The following NAALADL2 variants were observed in gnomAD, a reference collection of about 807,000 sequenced individuals.
NAALADL2 encodes the protein N-acetylated alpha-linked acidic dipeptidase like 2.
Under a neutral mutation model 87.2 loss-of-function variants are expected in NAALADL2, and 76 were observed. The observed-to-expected ratio is 0.87, with a 90% CI of 0.72 to 1.05. The LOEUF (loss-of-function observed/expected upper bound fraction) is 1.05. Ranked by LOEUF, NAALADL2 falls within the 50% of genes least tolerant of loss-of-function variation. The probability of loss-of-function intolerance (pLI) is 0.00; values close to 1 mark genes in which losing one functional copy is unlikely to be tolerated. For missense variants in NAALADL2, 1,089 were observed against 945.8 expected, an observed-to-expected ratio of 1.15 and a Z score of -1.99; for synonymous variants, 354 against 331.0, an observed-to-expected ratio of 1.07 and a Z score of -0.75.
chr3:175,668,211 A>G (rs1243844643), intron 11 of NAALADL2, among the ~76,000 whole-genome samples: 1 of 152,170 alleles, frequency 6.6e-6, no homozygotes, highest in East Asian at 1.9e-4. Context: ...TGTTCTTTAC[A>G]ATGAACTTTT....
intron 5 of NAALADL2, among the ~76,000 whole-genome samples, chr3:175,344,240 T>C (rs1762898274): frequency 6.6e-6 from 1 of 152,112 alleles, no homozygotes; most frequent in Non-Finnish European, 1.5e-5. Context: ...CTTTCAACAG[T>C]ACTTCTTTGG....
intron 2 of NAALADL2, among the ~76,000 whole-genome samples, chr3:174,666,142 CACTT>C (rs901655605): frequency 6.6e-6 from 1 of 152,094 alleles, no homozygotes; most frequent in African/African-American, 2.4e-5. Context: ...ACATAATACA[CACTT>C]ACTTGTATCT....
chr3:175,516,954 A>T (rs2149407319), intron 9 of NAALADL2, among the ~76,000 whole-genome samples: 1 of 152,246 alleles, frequency 6.6e-6, no homozygotes, highest in Non-Finnish European at 1.5e-5. Context: ...AGATGATACA[A>T]TTGTGTAGCT....
Position 175,115,896 on chromosome 3 carries a change from T to C in NAALADL2, c.545+18605T>C, listed in dbSNP as rs573961809. Among the ~76,000 whole-genome samples the C allele has an allele frequency of 4.5e-4, 68 of 151,998 alleles. 1 individual carries two copies. In the Middle Eastern group the frequency reaches 0.031, roughly 68 times the overall value. ...AAAAAGCTTATCCACCACAATCAAG[T>C]TGGCTTCATCCCTGGGATGCAAGGC... On this transcript the variant is annotated intron_variant, in intron 2 of 13. Coordinates refer to ENST00000454872, the MANE Select transcript of NAALADL2 (RefSeq NM_207015.3).
At chr3:175,708,715 C>G (rs1395396249) in intron 11 of NAALADL2, among the ~76,000 whole-genome samples, 1 of 151,722 alleles carries the variant, frequency 6.6e-6, no homozygotes, top group Non-Finnish European at 1.5e-5. Context: ...TTTCCCTCCC[C>G]CCAAAGCCAT....
At chr3:175,768,436 A>G (rs1358534945) in intron 13 of NAALADL2, among the ~76,000 whole-genome samples, 1 of 152,224 alleles carries the variant, frequency 6.6e-6, no homozygotes, top group East Asian at 1.9e-4. Flanking sequence ...TCTGAAGTTC[A>G]GAAACATTAG....
At chr3:175,535,049 G>C (rs1289708148) in intron 9 of NAALADL2, among the ~76,000 whole-genome samples, 1 of 152,088 alleles carries the variant, frequency 6.6e-6, no homozygotes, top group African/African-American at 2.4e-5. Context: ...ACCAGTCACT[G>C]TGGTGCATTA....
At chr3:175,493,983 A>T (rs1728473053) in intron 9 of NAALADL2, among the ~76,000 whole-genome samples, 2 of 152,112 alleles carry the variant, frequency 1.3e-5, no homozygotes, top group Non-Finnish European at 2.9e-5. Context: ...CTTGTTTGTA[A>T]CATACAAGGC....
chr3:175,247,591 G>T (rs1188571930), intron 3 of NAALADL2, among the ~76,000 whole-genome samples: 1 of 152,052 alleles, frequency 6.6e-6, no homozygotes, highest in Non-Finnish European at 1.5e-5. Flanking sequence ...TGGTAGTTGT[G>T]CCAGGGAGAA....
At chr3:175,654,540 G>A (rs951798608) in intron 11 of NAALADL2, among the ~76,000 whole-genome samples, 5 of 152,038 alleles carry the variant, frequency 3.3e-5, no homozygotes, top group African/African-American at 1.2e-4. Flanking sequence ...TAGTCTATAG[G>A]TATGCCTTTC....
At chr3:175,537,239 C>T (rs1734943059) in intron 9 of NAALADL2, among the ~76,000 whole-genome samples, 2 of 152,152 alleles carry the variant, frequency 1.3e-5, no homozygotes, top group South Asian at 2.1e-4. Flanking sequence ...AATACTGCCG[C>T]TTCTCAAAAT....
intron 5 of NAALADL2, among the ~76,000 whole-genome samples, chr3:175,410,622 TAATTTCA>T: frequency 6.6e-6 from 1 of 152,102 alleles, no homozygotes; most frequent in Non-Finnish European, 1.5e-5. Flanking sequence ...GCCACTTAAA[TAATTTCA>T]CAAAAATGTT....
intron 2 of NAALADL2, among the ~76,000 whole-genome samples, chr3:174,696,254 T>A (rs956944560): frequency 6.6e-6 from 1 of 152,012 alleles, no homozygotes; most frequent in Non-Finnish European, 1.5e-5. Flanking sequence ...CTATGACTTA[T>A]TATTTACTCA....
At chr3:174,590,880 T>C (rs1319387387) in intron 2 of NAALADL2, among the ~76,000 whole-genome samples, 1 of 151,432 alleles carries the variant, frequency 6.6e-6, no homozygotes, top group Admixed American at 6.6e-5. Flanking sequence ...TTCGGTGAAA[T>C]GAAAGGAAAA....
chr3:174,787,601 A>ACATATATATATATATATATATATATG lies in NAALADL2; in HGVS notation c.-9+49855_-9+49856insCATATATATATATATATATATATATG, dbSNP rs1346232794. Among the ~76,000 whole-genome samples the ACATATATATATATATATATATATATG allele has an allele frequency of 3.0e-3, 272 of 91,176 alleles. 9 individuals are homozygous for ACATATATATATATATATATATATATG. The highest frequency in any genetic ancestry group is 0.01 in the African/African-American group (265 of 26,000). The allele number at this position is 91,176 out of a possible 152,430, so 59.8% of individuals were successfully genotyped here. A position where few individuals can be genotyped will look rare whatever the true frequency, so the allele number is the denominator to read the frequency against. Reference sequence around the variant, plus strand: ...CATATATATATATATATATATATATATATATATATATATATATATAGTAGT... The same window carrying ACATATATATATATATATATATATATG: ...CATATATATATATATATATATATATACATATATATATATATATATATATATGTATATATATATATATATATAGTAGT... On this transcript the variant is annotated intron_variant, in intron 3 of 3. Transcript: ENST00000434257.
chr3:175,518,276 A>G, intron 9 of NAALADL2, among the ~76,000 whole-genome samples: 1 of 152,174 alleles, frequency 6.6e-6, no homozygotes, highest in East Asian at 1.9e-4. Context: ...TATCAGTAGG[A>G]ACTGCATTCA....
chr3:174,894,936 T>C (rs1374049904), intron 1 of NAALADL2, among the ~76,000 whole-genome samples: 5 of 152,036 alleles, frequency 3.3e-5, no homozygotes, highest in Admixed American at 1.3e-4. Flanking sequence ...GAGCAGTGGG[T>C]CAATAAAGAA....
At chr3:175,491,902 G>A (rs35733963) in intron 9 of NAALADL2, among the ~76,000 whole-genome samples, 9,914 of 152,058 alleles carry the variant, frequency 0.065, 397 homozygotes, top group South Asian at 0.15. Flanking sequence ...AATTATGATC[G>A]GAATAATTTG....
chr3:174,623,000 G>A (rs1001027481), intron 2 of NAALADL2, among the ~76,000 whole-genome samples: 1 of 152,128 alleles, frequency 6.6e-6, no homozygotes, highest in Non-Finnish European at 1.5e-5. Flanking sequence ...CCAAGATCGC[G>A]CCACTGCACA....
Sources: gnomAD v4.1 joint callset for allele counts (sites outside exome capture counted in the v4.1 genomes callset) on GRCh38, gnomAD v4.1.1 for gene constraint, MANE v1.5 for transcripts, NCBI Gene and HGNC (gene_info 2026-07-23, HGNC 2026-07-21) for gene names.